GRIK4: variants seen among roughly 807,000 people sequenced by gnomAD.
GRIK4 encodes the protein glutamate ionotropic receptor kainate type subunit 4, also known as glutamate receptor ionotropic, kainate 4.
In GRIK4, 40 loss-of-function variants were observed where a neutral mutation model predicts 104.9. The ratio of observed to expected loss-of-function variants is 0.38; its 90% CI spans 0.30 to 0.50. The LOEUF (loss-of-function observed/expected upper bound fraction) is 0.50. GRIK4 is among the 20% of genes least tolerant of loss of function. The pLI is 0.93. For missense variants in GRIK4, 1,047 were observed against 1,308.1 expected, an observed-to-expected ratio of 0.80 and a Z score of 3.08; for synonymous variants, 485 against 524.9, an observed-to-expected ratio of 0.92 and a Z score of 1.04.
At chr11:120,933,721 A>G (rs749309283) in intron 13 of GRIK4, among the ~76,000 whole-genome samples, 4 of 152,238 alleles carry the variant, frequency 2.6e-5, no homozygotes, top group African/African-American at 4.8e-5. Flanking sequence ...TAATATTGAT[A>G]GGCTGGTATT....
At chr11:120,576,543 C>T (rs952336366) in intron 1 of GRIK4, 4 of 152,308 alleles carry the variant, frequency 2.6e-5, no homozygotes, top group African/African-American at 9.7e-5. Flanking sequence ...TTTCTATGAC[C>T]TGGGCGGATG....
At chr11:120,949,298 C>T (rs1943942698) in intron 14 of GRIK4, among the ~76,000 whole-genome samples, 1 of 152,182 alleles carries the variant, frequency 6.6e-6, no homozygotes, top group African/African-American at 2.4e-5. Context: ...ATCTCTCCCT[C>T]CGTCTAAGAG....
intron 1 of GRIK4, among the ~76,000 whole-genome samples, chr11:120,569,769 G>A (rs920190666): frequency 6.3e-4 from 96 of 152,158 alleles, no homozygotes; most frequent in Non-Finnish European, 5.9e-5. Context: ...GGAGGAGGCT[G>A]GGTGTAGGGA....
intron 1 of GRIK4, among the ~76,000 whole-genome samples, chr11:120,522,852 C>T (rs1310433543): frequency 6.6e-6 from 1 of 152,168 alleles, no homozygotes; most frequent in Non-Finnish European, 1.5e-5. Context: ...GGCCACAGGG[C>T]TGCGCTGAGG....
In GRIK4 at chr11:120,905,243, G is replaced by C. The variant is rs910580402; in HGVS notation, c.1273-47G>C. The C allele has an allele frequency of 2.1e-6, 3 of 1,397,522 alleles. No homozygotes were observed. The African/African-American group carries it at 4.3e-5, about 20-fold the overall frequency. The allele number at this position is 1,397,522 out of a possible 1,614,324, so 86.6% of individuals were successfully genotyped here. A position where few individuals can be genotyped will look rare whatever the true frequency, so the allele number is the denominator to read the frequency against. On this transcript the variant is annotated intron_variant, in intron 12 of 20. Coordinates refer to ENST00000527524, the MANE Select transcript of GRIK4 (RefSeq NM_014619.5). The surrounding 1 kb of genome is among the most constrained non-coding windows in gnomAD (Gnocchi z 5.1). ...GGCCCTCCCCATCACACGCGGGTGA[G>C]ACACCAGGGCTAAGATGAGAATGAC...
At chr11:120,800,147 C>G (rs1952595829) in intron 3 of GRIK4, among the ~76,000 whole-genome samples, 1 of 152,132 alleles carries the variant, frequency 6.6e-6, no homozygotes, top group African/African-American at 2.4e-5. Context: ...AGTCACCGTG[C>G]CTGGCCCCTA....
At chr11:120,749,199 A>T (rs1162125909) in intron 3 of GRIK4, among the ~76,000 whole-genome samples, 1 of 151,620 alleles carries the variant, frequency 6.6e-6, no homozygotes, top group African/African-American at 2.4e-5. Flanking sequence ...CCCCCACCCC[A>T]TCCCACTCCC....
At chr11:120,733,502 G>T (rs569363335) in intron 3 of GRIK4, among the ~76,000 whole-genome samples, 10 of 149,306 alleles carry the variant, frequency 6.7e-5, no homozygotes, top group African/African-American at 2.0e-4. Flanking sequence ...TATTTTTTTG[G>T]GGGGGGAGCT....
chr11:120,842,107 A>G (rs1045243622), intron 8 of GRIK4, among the ~76,000 whole-genome samples: 11 of 152,234 alleles, frequency 7.2e-5, no homozygotes, highest in African/African-American at 2.7e-4. Context: ...GCAACTGATA[A>G]CACTGTACCT....
intron 1 of GRIK4, among the ~76,000 whole-genome samples, chr11:120,586,525 C>A (rs1055480995): frequency 2.6e-5 from 4 of 152,064 alleles, no homozygotes; most frequent in Non-Finnish European, 1.5e-5. Context: ...TCCTCAGAGA[C>A]ATGTTTTAGG....
chr11:120,777,711 T>G (rs1427874904), intron 3 of GRIK4, among the ~76,000 whole-genome samples: 1 of 151,958 alleles, frequency 6.6e-6, no homozygotes, highest in African/African-American at 2.4e-5. Flanking sequence ...CCAAGGCGGG[T>G]GGATCACTTG....
At chr11:120,633,921 G>A (rs1220082263) in intron 1 of GRIK4, among the ~76,000 whole-genome samples, 2 of 152,210 alleles carry the variant, frequency 1.3e-5, no homozygotes, top group Non-Finnish European at 2.9e-5. Context: ...GCAAACTGAA[G>A]ATCTGTGAGC....
chr11:120,679,694 C>A (rs1950159861), intron 3 of GRIK4, among the ~76,000 whole-genome samples: 1 of 152,186 alleles, frequency 6.6e-6, no homozygotes, highest in South Asian at 2.1e-4. Context: ...AACTGAACCT[C>A]CCCTGCCCAC....
chr11:120,753,056 C>T (rs746634589), intron 3 of GRIK4, among the ~76,000 whole-genome samples: 23 of 152,196 alleles, frequency 1.5e-4, no homozygotes, highest in African/African-American at 2.4e-4. Flanking sequence ...TGGGGACTCC[C>T]GAATGAGGCA....
At chr11:120,745,108 G>A (rs537364956) in intron 3 of GRIK4, among the ~76,000 whole-genome samples, 31 of 152,314 alleles carry the variant, frequency 2.0e-4, no homozygotes, top group Admixed American at 9.8e-4. Context: ...CCTTGCTGAT[G>A]TCCAAACATG....
rs370443013 is a variant in GRIK4, at chr11:120,952,843, C to T, written c.1591-12C>T. 3 of 1,585,396 alleles carry T rather than the reference C, an allele frequency of 1.9e-6. No homozygotes were observed. Among genetic ancestry groups the T allele is most frequent in the Non-Finnish European group, 1.7e-6 (2 of 1,153,774 alleles). On this transcript the variant is annotated splice_polypyrimidine_tract_variant and intron_variant, in intron 14 of 20. Coordinates refer to ENST00000527524, the MANE Select transcript of GRIK4 (RefSeq NM_014619.5). This position sits in a 1 kb window ranked among gnomAD's most constrained non-coding sequence, Gnocchi z 5.2. ...TATGTGCGGTGAATCTTGTTTTTCTCTCCATTTCCAGGGACGCAAACCCGG... is the reference window on the plus strand; with the variant it reads ...TATGTGCGGTGAATCTTGTTTTTCTTTCCATTTCCAGGGACGCAAACCCGG...
intron 11 of GRIK4, 28 bp from the exon 12 acceptor site, chr11:120,898,504 T>A (rs750070943): frequency 9.9e-5 from 131 of 1,323,136 alleles, no homozygotes; most frequent in Non-Finnish European, 1.4e-4. Context: ...CACCATTTCT[T>A]CCCAGTCCTC....
intron 3 of GRIK4, among the ~76,000 whole-genome samples, chr11:120,703,537 G>A (rs1950584711): frequency 6.6e-6 from 1 of 151,702 alleles, no homozygotes; most frequent in Non-Finnish European, 1.5e-5. Context: ...TGTAAGGTTG[G>A]GCTTACAGGA....
intron 3 of GRIK4, among the ~76,000 whole-genome samples, chr11:120,769,464 A>G (rs1241274097): frequency 3.3e-5 from 5 of 152,210 alleles, no homozygotes; most frequent in African/African-American, 1.2e-4. Context: ...TGTTCCAATA[A>G]AACTTTATTT....
Sources: allele counts gnomAD v4.1 joint callset (sites outside exome capture counted in the v4.1 genomes callset), GRCh38; gene constraint gnomAD v4.1.1; non-coding constraint Gnocchi (gnomAD v3.1); transcripts MANE v1.5; gene names NCBI Gene and HGNC (gene_info 2026-07-23, HGNC 2026-07-21).